The following PPTC7 variants were observed in gnomAD, a reference collection of about 807,000 sequenced individuals.
PPTC7 encodes protein phosphatase PTC7 homolog.
PPTC7 carries 6 observed loss-of-function variants against 30.8 expected under a neutral mutation model. The observed-to-expected ratio is 0.19, with a 90% CI of 0.11 to 0.38. The LOEUF is 0.38. PPTC7 is among the 10% of genes least tolerant of loss of function. PPTC7 has a pLI of 1.00. For synonymous variants in PPTC7, 163 were observed against 168.1 expected (o/e 0.97, Z 0.23); for missense variants, 218 against 404.8 (o/e 0.54, Z 3.96).
chr12:110,558,296 T>C (rs959306721), intron 1 of PPTC7, among the ~76,000 whole-genome samples: 1 of 152,142 alleles, frequency 6.6e-6, no homozygotes, highest in Admixed American at 6.6e-5. Flanking sequence ...ACCTTAGTGG[T>C]AGGGTATCCA....
At chr12:110,556,282 A>G (rs2064386768) in intron 1 of PPTC7, among the ~76,000 whole-genome samples, 1 of 152,232 alleles carries the variant, frequency 6.6e-6, no homozygotes, top group Non-Finnish European at 1.5e-5. Flanking sequence ...GAGAAATTCA[A>G]AAAGCATATA....
At chr12:110,541,647 C>T (rs111555810) in intron 3 of PPTC7, among the ~76,000 whole-genome samples, 24 of 143,206 alleles carry the variant, frequency 1.7e-4, no homozygotes, top group African/African-American at 6.3e-4. Context: ...TTGCAGTGAG[C>T]TGAGATTGCA....
rs2064510636 is a variant in PPTC7 at position 110,569,039 on chromosome 12, C to G, written c.223+13770G>C. Among the ~76,000 whole-genome samples, 3 of 147,200 alleles carry G rather than the reference C, an allele frequency of 2.0e-5. No individual in the cohort carries two copies. In the South Asian group the frequency reaches 6.5e-4, roughly 32 times the overall value. On this transcript the variant is annotated intron_variant, in intron 1 of 5. Coordinates refer to ENST00000354300, the MANE Select transcript of PPTC7 (RefSeq NM_139283.2). ...CAGCAAGACCCTGTCCCCGCCCCCC[C>G]CCCTCAAAAAAAGCCAGGTGCAGTG...
At chr12:110,538,738 C>T (rs1465554011) in intron 4 of PPTC7, among the ~76,000 whole-genome samples, 2 of 152,142 alleles carry the variant, frequency 1.3e-5, no homozygotes, top group African/African-American at 2.4e-5. Flanking sequence ...TTTATCCTTG[C>T]TGCTCCAACT....
chr12:110,577,983 C>T (rs1282819781), intron 1 of PPTC7, among the ~76,000 whole-genome samples: 2 of 152,128 alleles, frequency 1.3e-5, no homozygotes, highest in African/African-American at 4.8e-5. Context: ...TTTTAATTCA[C>T]ATATATCATC....
intron 1 of PPTC7, among the ~76,000 whole-genome samples, chr12:110,565,875 G>C (rs375120452): frequency 6.6e-6 from 1 of 152,080 alleles, no homozygotes; most frequent in Non-Finnish European, 1.5e-5. Flanking sequence ...AAGCAAAGAA[G>C]GTCAGATTAT....
Position 110,561,457 on chromosome 12 carries a change from G to A in PPTC7, c.224-9489C>T, listed in dbSNP as rs147345263. On this transcript the variant is annotated intron_variant, in intron 1 of 5. Coordinates refer to ENST00000354300, the MANE Select transcript of PPTC7 (RefSeq NM_139283.2). ...GCCTCCCGAGTAGCTGGTATTACAG[G>A]CACCCACCACCATGCTTGGCTAATT... 9.1e-4 allele frequency among the ~76,000 whole-genome samples: 139 copies of A among 152,162 alleles called. 1 individual carries two copies. Among genetic ancestry groups the A allele is most frequent in the Non-Finnish European group, 4.7e-4 (32 of 68,008 alleles).
At chr12:110,578,624 C>G (rs1177979380) in intron 1 of PPTC7, among the ~76,000 whole-genome samples, 1 of 152,152 alleles carries the variant, frequency 6.6e-6, no homozygotes, top group Admixed American at 6.5e-5. Flanking sequence ...AAAGAAACAG[C>G]TTTCATTCCA....
intron 1 of PPTC7, among the ~76,000 whole-genome samples, chr12:110,579,881 C>T (rs2064622370): frequency 1.3e-5 from 2 of 151,940 alleles, no homozygotes; most frequent in Admixed American, 6.6e-5. Flanking sequence ...GGCGTGATGG[C>T]GCGCGCCTGT....
chr12:110,548,295 TTTA>T (rs1156506550), intron 2 of PPTC7, among the ~76,000 whole-genome samples: 5 of 152,328 alleles, frequency 3.3e-5, no homozygotes, highest in African/African-American at 1.2e-4. Context: ...ATGGGTAATT[TTTA>T]TTATTAATTT....
intron 1 of PPTC7, among the ~76,000 whole-genome samples, chr12:110,569,778 C>A (rs1039795138): frequency 6.6e-6 from 1 of 152,212 alleles, no homozygotes; most frequent in Non-Finnish European, 1.5e-5. Flanking sequence ...CAATTTATCT[C>A]TTGTCCTTAT....
rs147268268 is a variant in PPTC7, at chr12:110,547,843, G to A, written c.404-1765C>T. On this transcript the variant is annotated intron_variant, in intron 2 of 5. Coordinates refer to ENST00000354300, the MANE Select transcript of PPTC7 (RefSeq NM_139283.2). ...GAATAGTTCAGGCGTGGTGGGTCAT[G>A]CCTGTAATCCCAGCACTTTGAGAGG... Among the ~76,000 whole-genome samples the A allele has an allele frequency of 6.8e-3, 1,040 of 152,256 alleles. 1 individual carries two copies. The highest frequency in any genetic ancestry group is 9.4e-3 in the Non-Finnish European group (637 of 68,026).
chr12:110,558,930 G>A (rs897085358), intron 1 of PPTC7, among the ~76,000 whole-genome samples: 1 of 152,136 alleles, frequency 6.6e-6, no homozygotes, highest in African/African-American at 2.4e-5. Context: ...CAATGGAAAT[G>A]TCAGTTTTAT....
intron 1 of PPTC7, among the ~76,000 whole-genome samples, chr12:110,562,286 CAAAAAAAAAAA>C (rs11319526): frequency 9.2e-3 from 319 of 34,718 alleles, no homozygotes; most frequent in African/African-American, 0.037. Context: ...GACTCCATCT[CAAAAAAAAAAA>C]AAAAAAAAAA....
intron 1 of PPTC7, among the ~76,000 whole-genome samples, chr12:110,574,687 C>G (rs553180029): frequency 6.6e-6 from 1 of 152,124 alleles, no homozygotes; most frequent in East Asian, 1.9e-4. Context: ...TCAGCTTTTA[C>G]AAAAAGTCTT....
intron 1 of PPTC7, among the ~76,000 whole-genome samples, chr12:110,571,319 A>G (rs1593164629): frequency 6.6e-6 from 1 of 151,704 alleles, no homozygotes. Context: ...TTTAGATCTA[A>G]AAGATTGGAA....
intron 1 of PPTC7, among the ~76,000 whole-genome samples, chr12:110,564,827 A>G (rs560020183): frequency 9.0e-6 from 1 of 111,012 alleles, no homozygotes; most frequent in Non-Finnish European, 1.9e-5. Flanking sequence ...GTGTATATAT[A>G]CATACACGTT....
At chr12:110,575,267 A>G (rs1406288194) in intron 1 of PPTC7, among the ~76,000 whole-genome samples, 1 of 152,178 alleles carries the variant, frequency 6.6e-6, no homozygotes, top group African/African-American at 2.4e-5. Context: ...TTCCAGTTTG[A>G]AAAGTCAAAT....
At chr12:110,576,469 T>C (rs986213082) in intron 1 of PPTC7, among the ~76,000 whole-genome samples, 1 of 152,060 alleles carries the variant, frequency 6.6e-6, no homozygotes, top group Non-Finnish European at 1.5e-5. Context: ...TAGAAACAAC[T>C]CGATGGCCAT....
Sources: gnomAD v4.1 joint callset for allele counts (sites outside exome capture counted in the v4.1 genomes callset) on GRCh38, gnomAD v4.1.1 for gene constraint, MANE v1.5 for transcripts, NCBI Gene and HGNC (gene_info 2026-07-23, HGNC 2026-07-21) for gene names.